Variants in SHISAL1 observed in about 807,000 individuals in gnomAD.
SHISAL1 encodes the protein shisa like 1, also known as protein shisa-like-1.
Under a neutral mutation model 22.6 loss-of-function variants are expected in SHISAL1, and 9 were observed. The observed-to-expected ratio is 0.40, with a 90% CI of 0.24 to 0.70. The LOEUF (loss-of-function observed/expected upper bound fraction) is 0.70. SHISAL1 is among the 30% of genes least tolerant of loss of function. The probability of loss-of-function intolerance (pLI) is 0.39; values close to 1 mark genes in which losing one functional copy is unlikely to be tolerated. For synonymous variants in SHISAL1, 119 were observed against 115.4 expected (o/e 1.03, Z -0.20); for missense variants, 246 against 270.6 (o/e 0.91, Z 0.64).
chr22:44,289,729 G>A (rs2055340465), intron 3 of SHISAL1, among the ~76,000 whole-genome samples: 1 of 152,216 alleles, frequency 6.6e-6, no homozygotes, highest in Admixed American at 6.5e-5. Flanking sequence ...GCCACGGCTG[G>A]CCCTCCCTGT....
chr22:44,305,765 C>A (rs1052489961), intron 1 of SHISAL1, among the ~76,000 whole-genome samples: 5 of 152,188 alleles, frequency 3.3e-5, no homozygotes, highest in African/African-American at 4.8e-5. Context: ...TGGCTGTGCC[C>A]CCAACCCCCC....
intron 4 of SHISAL1, among the ~76,000 whole-genome samples, chr22:44,261,339 AG>A (rs1173593461): frequency 2.6e-5 from 4 of 151,736 alleles, no homozygotes; most frequent in Non-Finnish European, 4.4e-5. Context: ...ATCTCCACCT[AG>A]AAAACTCCTA....
At position 44,248,695 on chromosome 22, in the gene SHISAL1, A is replaced by G. The variant is rs773791362; in HGVS notation, c.*990T>C. 11 of 152,312 alleles carry G rather than the reference A, an allele frequency of 7.2e-5. 1 individual carries two copies. Among genetic ancestry groups the G allele is most frequent in the Admixed American group, 4.6e-4 (7 of 15,292 alleles). The allele number at this position is 152,312 out of a possible 1,614,324, so 9.4% of individuals were successfully genotyped here. A position where few individuals can be genotyped will look rare whatever the true frequency, so the allele number is the denominator to read the frequency against. ...CACTGCCCAGCACGGGGCCTGGCACACAGCAGATGCTTAGCCAGAATGTGC... is the reference window on the plus strand; with the variant it reads ...CACTGCCCAGCACGGGGCCTGGCACGCAGCAGATGCTTAGCCAGAATGTGC... On this transcript the variant is annotated 3_prime_UTR_variant, in exon 5 of 5. Transcript: ENST00000381176.
At chr22:44,328,814 G>A in the SHISAL1 span, among the ~76,000 whole-genome samples, 1 of 150,504 alleles carries the variant, frequency 6.6e-6, no homozygotes, top group Non-Finnish European at 1.5e-5. Context: ...CCTCACTCAA[G>A]CTGGGGGTAG....
At chr22:44,287,117 T>C (rs1601794244) in intron 3 of SHISAL1, among the ~76,000 whole-genome samples, 1 of 152,220 alleles carries the variant, frequency 6.6e-6, no homozygotes, top group East Asian at 1.9e-4. Context: ...GTTCTAATTC[T>C]TCCTCTGCCT....
intron 3 of SHISAL1, among the ~76,000 whole-genome samples, chr22:44,292,287 G>A (rs954413897): frequency 1.3e-5 from 2 of 152,156 alleles, no homozygotes. Flanking sequence ...CCATCTAGAC[G>A]GGCTGCTGGT....
At chr22:44,262,742 G>A (rs1453296152) in intron 4 of SHISAL1, among the ~76,000 whole-genome samples, 2 of 152,214 alleles carry the variant, frequency 1.3e-5, no homozygotes, top group Non-Finnish European at 2.9e-5. Flanking sequence ...TGGCGAGAGA[G>A]GAGCTGAGCC....
chr22:44,297,160 A>G (rs760433245), intron 2 of SHISAL1, among the ~76,000 whole-genome samples: 5 of 152,206 alleles, frequency 3.3e-5, no homozygotes, highest in Non-Finnish European at 5.9e-5. Flanking sequence ...CAGTCACTCA[A>G]TTAGGAAATC....
At chr22:44,267,523 C>T (rs1172106841) in intron 4 of SHISAL1, among the ~76,000 whole-genome samples, 3 of 152,074 alleles carry the variant, frequency 2.0e-5, no homozygotes, top group Non-Finnish European at 4.4e-5. Flanking sequence ...CGTGGGAGAG[C>T]GGCAGCCTCT....
At chr22:44,283,766 A>T (rs2055292515) in intron 4 of SHISAL1, among the ~76,000 whole-genome samples, 1 of 152,240 alleles carries the variant, frequency 6.6e-6, no homozygotes, top group Non-Finnish European at 1.5e-5. Context: ...TGGCTCTTAT[A>T]GACGTTTTCC....
intron 4 of SHISAL1, among the ~76,000 whole-genome samples, chr22:44,256,784 CAGA>C (rs1007707437): frequency 2.4e-4 from 36 of 152,082 alleles, no homozygotes; most frequent in Admixed American, 1.8e-3. Context: ...ACTGAACAAA[CAGA>C]AGAACAAAAG....
At position 44,300,947 on chromosome 22, in the gene SHISAL1, G is replaced by A. The variant is rs776071389; in HGVS notation, c.-2C>T. 6.2e-6 allele frequency: 10 copies of A among 1,614,028 alleles called. No homozygotes were observed. The highest frequency in any genetic ancestry group is 5.5e-5 in the South Asian group (5 of 91,076). ...GGACTGCTGGCCACAACTGGTCATC[G>A]TCTGGCTTGCATTGATCCGTCCAGA... is the stretch of plus-strand genomic sequence containing the variant. On this transcript the variant is annotated 5_prime_UTR_variant, in exon 2 of 5. It adds an upstream start codon to the 5' untranslated region. Transcript: ENST00000381176.
At chr22:44,294,817 T>C (rs1306363530) in intron 3 of SHISAL1, among the ~76,000 whole-genome samples, 1 of 152,166 alleles carries the variant, frequency 6.6e-6, no homozygotes, top group East Asian at 1.9e-4. Flanking sequence ...CTTTTAACAA[T>C]ACTCAGAGGA....
intron 3 of SHISAL1, among the ~76,000 whole-genome samples, chr22:44,287,466 G>A (rs970127965): frequency 5.9e-5 from 9 of 152,192 alleles, no homozygotes; most frequent in African/African-American, 1.9e-4. Flanking sequence ...CACATCCCAT[G>A]AGCAGCTGTA....
chr22:44,297,247 C>T (rs1234320976), intron 2 of SHISAL1, among the ~76,000 whole-genome samples: 2 of 152,204 alleles, frequency 1.3e-5, no homozygotes, highest in African/African-American at 2.4e-5. Context: ...GTCTGAGATC[C>T]CACTTTACAG....
intron 4 of SHISAL1, among the ~76,000 whole-genome samples, chr22:44,269,095 A>C (rs2055186479): frequency 6.6e-6 from 1 of 151,798 alleles, no homozygotes; most frequent in African/African-American, 2.4e-5. Context: ...AACATCCACA[A>C]TACACACACG....
intron 4 of SHISAL1, among the ~76,000 whole-genome samples, chr22:44,284,600 A>G (rs1173880387): frequency 6.6e-6 from 1 of 152,124 alleles, no homozygotes; most frequent in East Asian, 1.9e-4. Flanking sequence ...CCCACAGAGC[A>G]TCCGAACCTC....
chr22:44,300,046 CAG>C (rs1013127418), intron 2 of SHISAL1, among the ~76,000 whole-genome samples: 31 of 148,260 alleles, frequency 2.1e-4, no homozygotes, highest in African/African-American at 6.8e-4. Flanking sequence ...CAGAAAGAGA[CAG>C]AGAGACAGAG....
chr22:44,287,650 T>TTA (rs1237524307), intron 3 of SHISAL1, among the ~76,000 whole-genome samples: 1 of 151,966 alleles, frequency 6.6e-6, no homozygotes, highest in Non-Finnish European at 1.5e-5. Context: ...CGGCCTTATG[T>TTA]TAAAAAGAGA....
Sources: allele counts gnomAD v4.1 joint callset (sites outside exome capture counted in the v4.1 genomes callset), GRCh38; gene constraint gnomAD v4.1.1; transcripts MANE v1.5; gene names NCBI Gene and HGNC (gene_info 2026-07-23, HGNC 2026-07-21).